Variants in PDE5A observed in about 807,000 individuals in gnomAD.
The protein encoded by PDE5A is cGMP-specific 3',5'-cyclic phosphodiesterase.
In PDE5A, 67 loss-of-function variants were observed where a neutral mutation model predicts 110.2. The ratio of observed to expected loss-of-function variants is 0.61; its 90% CI spans 0.50 to 0.75. The LOEUF is 0.75. PDE5A is among the 30% of genes least tolerant of loss of function. The pLI is 0.00. For missense variants in PDE5A, 862 were observed against 1,045.1 expected (o/e 0.82, Z 2.42); for synonymous variants, 328 against 351.2 (o/e 0.93, Z 0.74).
At chr4:119,577,638 C>T (rs932060031) in intron 3 of PDE5A, among the ~76,000 whole-genome samples, 1 of 152,106 alleles carries the variant, frequency 6.6e-6, no homozygotes, top group African/African-American at 2.4e-5. Context: ...TTTCAACAAC[C>T]CTTCATGCTA....
chr4:119,619,311 T>C (rs1057497771), intron 1 of PDE5A, among the ~76,000 whole-genome samples: 6 of 152,200 alleles, frequency 3.9e-5, no homozygotes, highest in East Asian at 1.9e-4. Flanking sequence ...GAGAAACTGA[T>C]ACTCGGCTCT....
chr4:119,582,493 T>G (rs1728621669), intron 3 of PDE5A, among the ~76,000 whole-genome samples: 2 of 152,226 alleles, frequency 1.3e-5, no homozygotes, highest in Non-Finnish European at 1.5e-5. Flanking sequence ...TTCCTGTTCA[T>G]GTTGATAATT....
At position 119,495,378 on chromosome 4, in the gene PDE5A, T is replaced by C. The variant is rs1041075054; in HGVS notation, c.*3223A>G. ...TTAAATTGTGCCACCTTATTTTGAC[T>C]ACAGTTGTTCATAAGAGAGGATAAC... On this transcript the variant is annotated 3_prime_UTR_variant, in exon 21 of 21. Coordinates refer to ENST00000354960, the MANE Select transcript of PDE5A (RefSeq NM_001083.4). 1.3e-5 allele frequency: 2 copies of C among 152,204 alleles called. No individual in the cohort carries two copies. The highest frequency in any genetic ancestry group is 2.9e-5 in the Non-Finnish European group (2 of 68,034). The allele number at this position is 152,204 out of a possible 1,614,324, so 9.4% of individuals were successfully genotyped here. A position where few individuals can be genotyped will look rare whatever the true frequency, so the allele number is the denominator to read the frequency against.
chr4:119,502,667 AAC>A lies in PDE5A; in HGVS notation c.2332-14_2332-13del, dbSNP rs1181941825. 1 of 1,545,528 alleles carries A rather than the reference AAC, an allele frequency of 6.5e-7. No homozygotes were observed. The highest frequency in any genetic ancestry group is 2.3e-5 in the East Asian group (1 of 44,434). ...ACAAGTTCTGCTATCTGAAATAAAT[AAC>A]AGACTCAGTTTTGACAATGAAAAGC... On this transcript the variant is annotated splice_polypyrimidine_tract_variant and intron_variant, in intron 18 of 20. Transcript: ENST00000354960.
At chr4:119,604,110 C>G (rs1729442000) in intron 2 of PDE5A, among the ~76,000 whole-genome samples, 2 of 152,248 alleles carry the variant, frequency 1.3e-5, no homozygotes, top group South Asian at 4.1e-4. Flanking sequence ...TGCAAGGCTA[C>G]TATAAATACA....
rs1203792729 is a variant in PDE5A at position 119,498,358 on chromosome 4, A to G, written c.*243T>C. ...AATATCACAAACAATGCTTTTATCAATGTGCTAACAGTGGATGTTGTTGAT... is the reference window on the plus strand; with the variant it reads ...AATATCACAAACAATGCTTTTATCAGTGTGCTAACAGTGGATGTTGTTGAT... On this transcript the variant is annotated 3_prime_UTR_variant, in exon 21 of 21. Transcript: ENST00000354960. The G allele has an allele frequency of 2.4e-5, 10 of 421,844 alleles. No individual in the cohort carries two copies. The highest frequency in any genetic ancestry group is 1.7e-4 in the South Asian group (3 of 17,702). 26.1% of individuals were successfully genotyped at this position (421,844 alleles called of 1,614,324 possible).
rs887401033 is a variant in PDE5A at position 119,591,471 on chromosome 4, A to G, written c.831+5052T>C. Among the ~76,000 whole-genome samples the G allele has an allele frequency of 2.0e-5, 3 of 152,220 alleles. No individual in the cohort carries two copies. In the East Asian group the frequency reaches 5.8e-4, roughly 29 times the overall value. On this transcript the variant is annotated intron_variant, in intron 3 of 20. Transcript: ENST00000354960. ...TGGTAAAGATGGGATTCAAGCCCAGAGCAAGCAATCTTAATAATTAGTCCC... is the reference window on the plus strand; with the variant it reads ...TGGTAAAGATGGGATTCAAGCCCAGGGCAAGCAATCTTAATAATTAGTCCC...
intron 3 of PDE5A, among the ~76,000 whole-genome samples, chr4:119,578,766 A>G (rs1165210905): frequency 1.3e-5 from 2 of 152,186 alleles, no homozygotes; most frequent in Admixed American, 6.5e-5. Context: ...ACCATTCAGG[A>G]CATAGGCATG....
intron 14 of PDE5A, chr4:119,512,772 G>A (rs1386951125): frequency 6.6e-6 from 1 of 152,090 alleles, no homozygotes; most frequent in African/African-American, 2.4e-5. Context: ...GATGAAGCAG[G>A]GGAACCTGAC....
intron 3 of PDE5A, among the ~76,000 whole-genome samples, chr4:119,570,470 G>C (rs1728102133): frequency 6.6e-6 from 1 of 152,144 alleles, no homozygotes; most frequent in Non-Finnish European, 1.5e-5. Context: ...GCGCAAAAAA[G>C]CCTTTCTGTT....
intron 2 of PDE5A, among the ~76,000 whole-genome samples, chr4:119,602,446 G>A (rs1038503820): frequency 2.6e-5 from 4 of 152,064 alleles, no homozygotes; most frequent in African/African-American, 9.7e-5. Context: ...TTTTAAAAAG[G>A]AAACAACACA....
At chr4:119,623,742 C>T (rs1369438286) in intron 1 of PDE5A, among the ~76,000 whole-genome samples, 2 of 152,052 alleles carry the variant, frequency 1.3e-5, no homozygotes, top group African/African-American at 2.4e-5. Context: ...AGGACATAAA[C>T]GTGTGAAAAT....
intron 12 of PDE5A, among the ~76,000 whole-genome samples, chr4:119,523,080 T>C (rs1342088615): frequency 1.3e-5 from 2 of 152,106 alleles, no homozygotes; most frequent in South Asian, 2.1e-4. Context: ...AGTTTATACA[T>C]TGCCAAATAG....
chr4:119,599,148 A>C (rs1423782441), intron 2 of PDE5A, among the ~76,000 whole-genome samples: 1 of 152,156 alleles, frequency 6.6e-6, no homozygotes, highest in Non-Finnish European at 1.5e-5. Flanking sequence ...CTGACAAATA[A>C]TAAGACCAAG....
chr4:119,610,142 G>A (rs1469149473), intron 1 of PDE5A, among the ~76,000 whole-genome samples: 4 of 152,046 alleles, frequency 2.6e-5, no homozygotes, highest in Non-Finnish European at 4.4e-5. Flanking sequence ...CAAAATTTCC[G>A]GTGAAGACAA....
intron 2 of PDE5A, 147 bp downstream of exon 2, chr4:119,606,562 A>G: frequency 1.6e-6 from 1 of 609,854 alleles, no homozygotes; most frequent in South Asian, 2.2e-5. Context: ...CATACATTCC[A>G]GTTTTAAATA....
chr4:119,538,766 G>A, intron 11 of PDE5A, 194 bp downstream of exon 11: 1 of 519,530 alleles, frequency 1.9e-6, no homozygotes, highest in Non-Finnish European at 3.5e-6. Context: ...ACAAATATCA[G>A]AATCATACAC....
chr4:119,494,849 C>T lies in PDE5A; in HGVS notation c.*3752G>A, dbSNP rs201162748. The T allele has an allele frequency of 3.9e-5, 6 of 152,512 alleles. No homozygotes were observed. Among genetic ancestry groups the T allele is most frequent in the Non-Finnish European group, 7.4e-5 (5 of 68,024 alleles). 9.4% of individuals were successfully genotyped at this position (152,512 alleles called of 1,614,324 possible). On this transcript the variant is annotated 3_prime_UTR_variant, in exon 21 of 21. Transcript: ENST00000354960. ...AACAACATTCATTAAGACATGTTTA[C>T]ACAGGCTTTTAGTAAGTATATGGAA...
chr4:119,537,503 C>T (rs1468453588), intron 11 of PDE5A, among the ~76,000 whole-genome samples: 3 of 152,082 alleles, frequency 2.0e-5, no homozygotes, highest in African/African-American at 7.2e-5. Context: ...CCTAAATCTT[C>T]CTCCTTGTTT....
Sources: gnomAD v4.1 joint callset for allele counts (sites outside exome capture counted in the v4.1 genomes callset) on GRCh38, gnomAD v4.1.1 for gene constraint, MANE v1.5 for transcripts, NCBI Gene and HGNC (gene_info 2026-07-23, HGNC 2026-07-21) for gene names.